The following SLC14A2 variants were observed in gnomAD, a reference collection of about 807,000 sequenced individuals.
SLC14A2 encodes solute carrier family 14 member 2.
A neutral mutation model predicts 104.6 loss-of-function variants in SLC14A2; 91 were observed. That is an observed-to-expected ratio of 0.87 (90% CI 0.73 to 1.04). SLC14A2 has a LOEUF of 1.04. Among genes scored for constraint, SLC14A2 ranks in the 50% least tolerant of loss-of-function variants. The probability of loss-of-function intolerance (pLI) is 0.00; values close to 1 mark genes in which losing one functional copy is unlikely to be tolerated. For missense variants in SLC14A2, 1,189 were observed against 1,156.0 expected (o/e 1.03, Z -0.41); for synonymous variants, 476 against 466.4 (o/e 1.02, Z -0.27).
At chr18:45,207,273 A>C in the SLC14A2 span, among the ~76,000 whole-genome samples, 1 of 150,638 alleles carries the variant, frequency 6.6e-6, no homozygotes, top group Non-Finnish European at 1.5e-5. Context: ...AGATGGAGAC[A>C]TGAAGGAAAG....
intron 10 of SLC14A2, among the ~76,000 whole-genome samples, chr18:45,656,042 T>A (rs1599131698): frequency 6.6e-6 from 1 of 152,236 alleles, no homozygotes; most frequent in Non-Finnish European, 1.5e-5. Context: ...ATCACTTGGT[T>A]ACACGGAATT....
intron 1 of SLC14A2, among the ~76,000 whole-genome samples, chr18:45,334,858 C>T (rs950890546): frequency 6.6e-6 from 1 of 152,162 alleles, no homozygotes; most frequent in African/African-American, 2.4e-5. Context: ...CCCCCAACGC[C>T]TGCTGGCGGA....
At chr18:45,240,091 C>CTTTTTTT (rs763802776) in intron 1 of SLC14A2, among the ~76,000 whole-genome samples, 12 of 89,650 alleles carry the variant, frequency 1.3e-4, no homozygotes, top group South Asian at 3.8e-4. Context: ...GCAAATATCT[C>CTTTTTTT]TTTTTTTTTT....
In SLC14A2 at chr18:45,584,642, T is replaced by C. The variant is rs1288814126; in HGVS notation, c.-34-39989T>C. Among the ~76,000 whole-genome samples, 2 of 152,170 alleles carry C rather than the reference T, an allele frequency of 1.3e-5. 1 individual carries two copies. The highest frequency in any genetic ancestry group is 3.9e-4 in the East Asian group (2 of 5,184). On this transcript the variant is annotated intron_variant, in intron 2 of 20. Coordinates refer to the SLC14A2 transcript ENST00000586448. ...CCCTTAGGAGCCTCAAGGTGGCGAATGTAGGGCCTTCTTTTTTGAAAAGAG... is the reference window on the plus strand; with the variant it reads ...CCCTTAGGAGCCTCAAGGTGGCGAACGTAGGGCCTTCTTTTTTGAAAAGAG...
chr18:45,634,501 A>G (rs773861135), intron 5 of SLC14A2, among the ~76,000 whole-genome samples: 1 of 152,234 alleles, frequency 6.6e-6, no homozygotes, highest in Non-Finnish European at 1.5e-5. Context: ...GGGACATTTG[A>G]GCTGTCGCCT....
intron 2 of SLC14A2, among the ~76,000 whole-genome samples, chr18:45,568,932 G>C (rs559579803): frequency 2.0e-5 from 3 of 152,182 alleles, no homozygotes; most frequent in Non-Finnish European, 4.4e-5. Context: ...GGTAAATTCT[G>C]GATCCAGTAA....
intron 1 of SLC14A2, among the ~76,000 whole-genome samples, chr18:45,230,563 A>G (rs1307238622): frequency 2.0e-5 from 3 of 152,172 alleles, no homozygotes; most frequent in African/African-American, 7.2e-5. Context: ...AATCCAAAAA[A>G]ATCCCCCCAA....
At chr18:45,621,725 A>C (rs2045174332) in intron 1 of SLC14A2, among the ~76,000 whole-genome samples, 1 of 152,256 alleles carries the variant, frequency 6.6e-6, no homozygotes, top group African/African-American at 2.4e-5. Context: ...TGGTGGGAAG[A>C]TAGAAACCAT....
the SLC14A2 span, among the ~76,000 whole-genome samples, chr18:45,194,811 AT>A: frequency 6.6e-6 from 1 of 151,580 alleles, no homozygotes; most frequent in East Asian, 1.9e-4. Context: ...ATGCCGGCTA[AT>A]TTTTTGTATT....
At chr18:45,656,871 C>T (rs371536227) in intron 10 of SLC14A2, among the ~76,000 whole-genome samples, 6 of 152,218 alleles carry the variant, frequency 3.9e-5, no homozygotes, top group East Asian at 1.9e-4. Context: ...AAGTTTAAAG[C>T]ATTTGCTGTG....
intron 16 of SLC14A2, among the ~76,000 whole-genome samples, chr18:45,669,809 C>T (rs959189963): frequency 6.6e-6 from 1 of 152,218 alleles, no homozygotes; most frequent in Non-Finnish European, 1.5e-5. Flanking sequence ...TGACTTCCAG[C>T]CTGGGCTCTT....
At chr18:45,296,476 T>C (rs1384251484) in intron 1 of SLC14A2, among the ~76,000 whole-genome samples, 1 of 152,216 alleles carries the variant, frequency 6.6e-6, no homozygotes, top group Non-Finnish European at 1.5e-5. Context: ...CTAACCTGGT[T>C]AGAACATCTG....
intron 2 of SLC14A2, among the ~76,000 whole-genome samples, chr18:45,572,944 C>G (rs1180191961): frequency 6.6e-6 from 1 of 152,162 alleles, no homozygotes; most frequent in East Asian, 1.9e-4. Flanking sequence ...CCTTATGAAG[C>G]ATCATTGTTA....
the SLC14A2 span, among the ~76,000 whole-genome samples, chr18:45,198,954 A>C: frequency 6.6e-6 from 1 of 152,018 alleles, no homozygotes; most frequent in Non-Finnish European, 1.5e-5. Flanking sequence ...CTTGATTCCC[A>C]CTTCTTCTGG....
intron 1 of SLC14A2, among the ~76,000 whole-genome samples, chr18:45,445,713 T>G (rs2086757377): frequency 6.6e-6 from 1 of 152,242 alleles, no homozygotes; most frequent in Non-Finnish European, 1.5e-5. Context: ...AGAATAGAGT[T>G]GGCCCTATGC....
intron 1 of SLC14A2, among the ~76,000 whole-genome samples, chr18:45,468,032 A>T (rs1568222714): frequency 6.6e-6 from 1 of 152,080 alleles, no homozygotes; most frequent in Non-Finnish European, 1.5e-5. Flanking sequence ...CCTCTCCTCT[A>T]CCAGCCACCA....
intron 1 of SLC14A2, among the ~76,000 whole-genome samples, chr18:45,241,641 T>C (rs1443596626): frequency 2.7e-4 from 19 of 69,554 alleles, no homozygotes; most frequent in Admixed American, 5.9e-4. Context: ...TCTTTTCTCT[T>C]TTTTTTTTTT....
At chr18:45,567,055 A>T (rs989789485) in intron 2 of SLC14A2, among the ~76,000 whole-genome samples, 7 of 139,812 alleles carry the variant, frequency 5.0e-5, no homozygotes, top group South Asian at 2.6e-4. Flanking sequence ...ATGTGCACAT[A>T]GTGTGTGTGT....
intron 2 of SLC14A2, among the ~76,000 whole-genome samples, chr18:45,574,043 TA>T (rs2044385619): frequency 6.6e-6 from 1 of 152,252 alleles, no homozygotes; most frequent in Non-Finnish European, 1.5e-5. Flanking sequence ...AATTAATGAA[TA>T]AACAAAGTTT....
Sources: gnomAD v4.1 joint callset for allele counts (sites outside exome capture counted in the v4.1 genomes callset) on GRCh38, gnomAD v4.1.1 for gene constraint, MANE v1.5 for transcripts, NCBI Gene and HGNC (gene_info 2026-07-23, HGNC 2026-07-21) for gene names.